The following RICTOR variants were observed in gnomAD, a reference collection of about 807,000 sequenced individuals.
The protein encoded by RICTOR is rapamycin-insensitive companion of mTOR.
Under a neutral mutation model 214.9 loss-of-function variants are expected in RICTOR, and 49 were observed. The observed-to-expected ratio is 0.23, with a 90% CI of 0.18 to 0.29. The LOEUF is 0.29. Among genes scored for constraint, RICTOR ranks in the 10% least tolerant of loss-of-function variants. RICTOR has a pLI of 1.00. For synonymous variants in RICTOR, 717 were observed against 711.3 expected (o/e 1.01, Z -0.13); for missense variants, 1,625 against 2,047.0 (o/e 0.79, Z 3.98).
intron 7 of RICTOR, among the ~76,000 whole-genome samples, chr5:38,989,517 C>G (rs547398303): frequency 6.6e-6 from 1 of 152,248 alleles, no homozygotes; most frequent in African/African-American, 2.4e-5. Context: ...TCTAATTAAA[C>G]TAAAGGGCTT....
chr5:39,055,557 T>C lies in RICTOR; in HGVS notation c.97+18554A>G, dbSNP rs183770127. On this transcript the variant is annotated intron_variant, in intron 2 of 37. Transcript: ENST00000357387. ...ATCAAAGGTAGGGACTCAATATATT[T>C]TTTTCACCACTGAATCAGCAGCAAA... 2.9e-4 allele frequency among the ~76,000 whole-genome samples: 44 copies of C among 151,984 alleles called. No individual in the cohort carries two copies. The East Asian group carries it at 8.3e-3, about 29-fold the overall frequency.
chr5:39,027,805 T>C (rs1755948982), intron 2 of RICTOR, among the ~76,000 whole-genome samples: 1 of 152,198 alleles, frequency 6.6e-6, no homozygotes, highest in African/African-American at 2.4e-5. Flanking sequence ...ATAAAGTTAA[T>C]TATCTGACAT....
chr5:38,951,002 T>G (rs1332050602), intron 30 of RICTOR, among the ~76,000 whole-genome samples: 3 of 151,926 alleles, frequency 2.0e-5, no homozygotes, highest in Non-Finnish European at 4.4e-5. Context: ...AAGTTTCTTT[T>G]GATTCTCCAA....
intron 7 of RICTOR, 103 bp from the exon 8 acceptor site, chr5:38,982,139 C>G: frequency 1.4e-6 from 1 of 739,286 alleles, no homozygotes; most frequent in Non-Finnish European, 2.3e-6. Context: ...GAAAAACTTT[C>G]TAATACCAAC....
rs1174379392 is a variant in RICTOR at position 39,073,989 on chromosome 5, G to C, written c.97+122C>G. On this transcript the variant is annotated intron_variant, in intron 2 of 37. Coordinates refer to ENST00000357387, the MANE Select transcript of RICTOR (RefSeq NM_152756.5). ...CCCGCGGGCCGGCAGGCGGGGCTCC[G>C]GCTCTGGCCCCCGCACCCCGCCGGT... The C allele has an allele frequency of 9.4e-6, 5 of 531,150 alleles. No homozygotes were observed. In the African/African-American group the frequency reaches 1.0e-4, roughly 11 times the overall value. 32.9% of individuals were successfully genotyped at this position (531,150 alleles called of 1,614,324 possible). A position where few individuals can be genotyped will look rare whatever the true frequency, so the allele number is the denominator to read the frequency against.
At chr5:38,964,703 C>T in intron 16 of RICTOR, 89 bp downstream of exon 16, 1 of 596,006 alleles carries the variant, frequency 1.7e-6, no homozygotes, top group Non-Finnish European at 2.8e-6. Flanking sequence ...ATAACCTATC[C>T]ATACTATTTT....
intron 3 of RICTOR, among the ~76,000 whole-genome samples, chr5:39,011,706 T>C (rs1162134595): frequency 6.6e-6 from 1 of 152,204 alleles, no homozygotes; most frequent in Non-Finnish European, 1.5e-5. Flanking sequence ...ACTTGAAGGT[T>C]TAATGACTGC....
rs548071263 is a variant in RICTOR at position 39,048,136 on chromosome 5, C to G, written c.97+25975G>C. Among the ~76,000 whole-genome samples, 201 of 152,302 alleles carry G rather than the reference C, an allele frequency of 1.3e-3. 1 individual carries two copies. Among genetic ancestry groups the G allele is most frequent in the Admixed American group, 3.1e-3 (47 of 15,300 alleles). On this transcript the variant is annotated intron_variant, in intron 2 of 37. Coordinates refer to ENST00000357387, the MANE Select transcript of RICTOR (RefSeq NM_152756.5). ...CCAAAGTGTAGCTGTGGACAATCAACATGGGTACCACCTGTGAGCATGTCA... is the reference window on the plus strand; with the variant it reads ...CCAAAGTGTAGCTGTGGACAATCAAGATGGGTACCACCTGTGAGCATGTCA...
At chr5:39,052,366 C>A (rs1757913187) in intron 2 of RICTOR, among the ~76,000 whole-genome samples, 1 of 152,100 alleles carries the variant, frequency 6.6e-6, no homozygotes, top group African/African-American at 2.4e-5. Flanking sequence ...ACAGAATGAA[C>A]CAACACTCTA....
chr5:38,967,549 C>A, intron 12 of RICTOR, 122 bp from the exon 13 acceptor site: 1 of 691,288 alleles, frequency 1.4e-6, no homozygotes, highest in Non-Finnish European at 2.4e-6. Flanking sequence ...AAATACCATA[C>A]ATTCAAAAAG....
chr5:39,072,398 C>T (rs775367071), intron 2 of RICTOR, among the ~76,000 whole-genome samples: 7 of 152,268 alleles, frequency 4.6e-5, no homozygotes, highest in Non-Finnish European at 7.4e-5. Context: ...TGACACCAAG[C>T]AGAGAAACCA....
chr5:38,945,029 G>A lies in RICTOR; in HGVS notation c.4673C>T (p.Thr1558Ile), dbSNP rs761733708. 6.2e-7 allele frequency: 1 copy of A among 1,611,352 alleles called. No homozygotes were observed. Among genetic ancestry groups the A allele is most frequent in the South Asian group, 1.1e-5 (1 of 91,004 alleles). Reference protein sequence around the residue: ...DIPYSDWCEQTIHNPLEVVPS... With the variant: ...DIPYSDWCEQIIHNPLEVVPS... ...AACCACTTCTAAAGGATTATGGATAGTCTGCTCACACCAATCAGAATATGG... is the reference window on the plus strand; with the variant it reads ...AACCACTTCTAAAGGATTATGGATAATCTGCTCACACCAATCAGAATATGG... The change falls in exon 35 of 38, where the codon ACT becomes ATT. Residue 1558 changes from threonine to isoleucine, a missense_variant. Thr to Ile is a moderately conservative substitution (Grantham distance 89). This residue lies in a region of RICTOR where 1,214 missense variants were observed against 1,470.5 expected (regional missense o/e 0.83). Transcript: ENST00000357387.
chr5:38,944,468 A>G lies in RICTOR; in HGVS notation c.4891T>C (p.Cys1631Arg). The G allele has an allele frequency of 6.2e-7, 1 of 1,610,998 alleles. No homozygotes were observed. The highest frequency in any genetic ancestry group is 8.5e-7 in the Non-Finnish European group (1 of 1,178,946). ...CACGTTAAAAGCCCAGTCTCATGAC[A>G]TTTAGTTGAAACTGAACTACTCAAA... Reference protein sequence around the residue: ...INLSSSVSTKCHETGLLTIKE... With the variant: ...INLSSSVSTKRHETGLLTIKE... The change falls in exon 36 of 38, where the codon TGT (cysteine) becomes CGT (arginine). Residue 1631 changes from cysteine to arginine, a missense_variant. Physicochemically the swap from Cys to Arg is radical, Grantham distance 180. Around this residue, in one of 5 missense-constraint regions of RICTOR, gnomAD observed 44 missense variants for 90.1 expected, o/e 0.49. Coordinates refer to ENST00000357387, the MANE Select transcript of RICTOR (RefSeq NM_152756.5).
chr5:38,945,815 C>A, intron 33 of RICTOR, 91 bp from the exon 34 acceptor site: 1 of 645,482 alleles, frequency 1.5e-6, no homozygotes, highest in Non-Finnish European at 2.5e-6. Context: ...AAAGCTTAAG[C>A]ACATTTTATG....
chr5:38,948,673 T>C (rs754994364), intron 31 of RICTOR, among the ~76,000 whole-genome samples: 1 of 152,042 alleles, frequency 6.6e-6, no homozygotes, highest in Non-Finnish European at 1.5e-5. Flanking sequence ...ACTGCATAGA[T>C]TTGTAACAGT....
chr5:38,967,118 G>T, intron 14 of RICTOR, 43 bp downstream of exon 14: 1 of 1,442,530 alleles, frequency 6.9e-7, no homozygotes, highest in Non-Finnish European at 9.7e-7. Context: ...ATCTGTTAGA[G>T]AAAATAAACA....
At chr5:38,978,792 G>A in intron 8 of RICTOR, 142 bp from the exon 9 acceptor site, 1 of 484,304 alleles carries the variant, frequency 2.1e-6, no homozygotes, top group African/African-American at 2.0e-5. Flanking sequence ...CTCATCATCA[G>A]GGAATATGTT....
In RICTOR at chr5:38,994,130, C is replaced by T. The variant is rs1039532499; in HGVS notation, c.456+2689G>A. On this transcript the variant is annotated intron_variant, in intron 6 of 37. Transcript: ENST00000357387. ...GCTTGAACCCGGGAGGTGGAGCTTG[C>T]AGTGAGCCGAGATTGCACCACTGCA... Among the ~76,000 whole-genome samples the T allele has an allele frequency of 9.9e-4, 150 of 152,016 alleles. 1 individual carries two copies. Among genetic ancestry groups the T allele is most frequent in the African/African-American group, 3.3e-3 (137 of 41,470 alleles).
chr5:39,037,402 A>G (rs1756802633), intron 2 of RICTOR, among the ~76,000 whole-genome samples: 2 of 152,236 alleles, frequency 1.3e-5, no homozygotes, highest in South Asian at 4.2e-4. Flanking sequence ...ATCACAATTA[A>G]AAGAACTAGA....
Sources: gnomAD v4.1 joint callset for allele counts (sites outside exome capture counted in the v4.1 genomes callset) on GRCh38, gnomAD v4.1.1 for gene constraint, gnomAD v4.1.1 regional missense constraint, MANE v1.5 for transcripts, NCBI Gene and HGNC (gene_info 2026-07-23, HGNC 2026-07-21) for gene names.